Variants in SERPINB7 observed in about 807,000 individuals in gnomAD.
The protein encoded by SERPINB7 is serpin family B member 7, also known as serpin B7.
A neutral mutation model predicts 37.4 loss-of-function variants in SERPINB7; 31 were observed. The ratio of observed to expected loss-of-function variants is 0.83; its 90% CI spans 0.62 to 1.12. The LOEUF (loss-of-function observed/expected upper bound fraction) is 1.12, where lower values mean the gene tolerates loss of function less well. Among genes scored for constraint, SERPINB7 ranks in the 50% most tolerant of loss-of-function variants. SERPINB7 has a pLI of 0.00. For missense variants in SERPINB7, 521 were observed against 455.3 expected (o/e 1.14, Z -1.31); for synonymous variants, 163 against 166.1 (o/e 0.98, Z 0.14).
chr18:63,783,821 C>T (rs548053588), intron 2 of SERPINB7, among the ~76,000 whole-genome samples: 1 of 152,312 alleles, frequency 6.6e-6, no homozygotes, highest in Admixed American at 6.5e-5. Context: ...AAGGGCTTGC[C>T]AGAGGAATCT....
chr18:63,793,770 C>A (rs1000496652), intron 4 of SERPINB7, among the ~76,000 whole-genome samples: 12 of 152,158 alleles, frequency 7.9e-5, no homozygotes, highest in African/African-American at 2.2e-4. Context: ...CAAATTGCTG[C>A]AACTACAGGC....
intron 1 of SERPINB7, among the ~76,000 whole-genome samples, chr18:63,767,501 A>G (rs2049187105): frequency 6.6e-6 from 1 of 152,164 alleles, no homozygotes; most frequent in Admixed American, 6.6e-5. Flanking sequence ...TCTGTGGGAA[A>G]TAAAAGAAAG....
At position 63,800,857 on chromosome 18, in the gene SERPINB7, G is replaced by A; in HGVS notation, c.598-9G>A. On this transcript the variant is annotated splice_polypyrimidine_tract_variant and intron_variant, in intron 6 of 7. Coordinates refer to ENST00000398019, the MANE Select transcript of SERPINB7 (RefSeq NM_003784.4). The stretch of plus-strand genomic sequence containing the variant: ...GATCATAAATAATTTTTTGTGACTT[G>A]ACTTTCAGTGCTCTGGGAAGGCAGT... 1.2e-6 allele frequency: 2 copies of A among 1,610,918 alleles called. No homozygotes were observed. The highest frequency in any genetic ancestry group is 1.7e-6 in the Non-Finnish European group (2 of 1,179,056).
chr18:63,760,315 G>C (rs1301737780), intron 1 of SERPINB7, among the ~76,000 whole-genome samples: 1 of 152,202 alleles, frequency 6.6e-6, no homozygotes, highest in Non-Finnish European at 1.5e-5. Context: ...GATGATTTAG[G>C]ATATCTGGTG....
At chr18:63,785,570 T>C (rs1232433904) in intron 2 of SERPINB7, among the ~76,000 whole-genome samples, 1 of 152,116 alleles carries the variant, frequency 6.6e-6, no homozygotes, top group Non-Finnish European at 1.5e-5. Context: ...AGTAAATATA[T>C]ATGTTTACTT....
At chr18:63,759,879 G>A (rs2049143246) in intron 1 of SERPINB7, among the ~76,000 whole-genome samples, 1 of 152,186 alleles carries the variant, frequency 6.6e-6, no homozygotes, top group Non-Finnish European at 1.5e-5. Context: ...GGCCTCCACA[G>A]CCATGTGGAA....
chr18:63,804,911 C>T lies in SERPINB7; in HGVS notation c.*276C>T, dbSNP rs1414795028. On this transcript the variant is annotated 3_prime_UTR_variant, in exon 8 of 8. Transcript: ENST00000398019. ...ATTTCTATCATTCTCCCCCATGACC[C>T]GTCTGGAAATTATGGAGAGTGCTCA... The T allele has an allele frequency of 5.1e-6, 2 of 391,344 alleles. No homozygotes were observed. Among genetic ancestry groups the T allele is most frequent in the South Asian group, 5.5e-5 (1 of 18,090 alleles). 24.2% of individuals were successfully genotyped at this position (391,344 alleles called of 1,614,324 possible).
At chr18:63,779,256 G>GA (rs1351281611) in intron 1 of SERPINB7, among the ~76,000 whole-genome samples, 2 of 152,086 alleles carry the variant, frequency 1.3e-5, no homozygotes, top group Admixed American at 6.6e-5. Flanking sequence ...ATAGGGAAAG[G>GA]AAAAATCACA....
At chr18:63,797,417 G>T (rs1367217374) in intron 5 of SERPINB7, among the ~76,000 whole-genome samples, 6 of 152,066 alleles carry the variant, frequency 3.9e-5, no homozygotes, top group Non-Finnish European at 7.4e-5. Flanking sequence ...TATAAATCAA[G>T]ACAAACTATG....
chr18:63,789,203 G>T (rs1371164430), intron 2 of SERPINB7, among the ~76,000 whole-genome samples: 3 of 152,066 alleles, frequency 2.0e-5, no homozygotes, highest in Admixed American at 2.0e-4. Context: ...TTAGCGAGCT[G>T]GTCCCATCAA....
intron 1 of SERPINB7, among the ~76,000 whole-genome samples, chr18:63,756,092 TACACACAC>T (rs5825530): frequency 3.5e-4 from 52 of 148,800 alleles, no homozygotes; most frequent in African/African-American, 9.9e-4. Flanking sequence ...ATATAGGGTT[TACACACAC>T]ACACACACAC....
intron 5 of SERPINB7, among the ~76,000 whole-genome samples, chr18:63,797,429 A>G (rs1247396156): frequency 6.6e-6 from 1 of 152,152 alleles, no homozygotes; most frequent in Admixed American, 6.5e-5. Context: ...CAAACTATGT[A>G]ATTATTACTC....
intron 1 of SERPINB7, among the ~76,000 whole-genome samples, chr18:63,760,323 G>A (rs2144584643): frequency 6.6e-6 from 1 of 152,278 alleles, no homozygotes; most frequent in South Asian, 2.1e-4. Flanking sequence ...AGGATATCTG[G>A]TGGAAGAAAT....
intron 2 of SERPINB7, among the ~76,000 whole-genome samples, chr18:63,785,654 T>G (rs965739077): frequency 1.3e-5 from 2 of 151,854 alleles, no homozygotes; most frequent in African/African-American, 4.8e-5. Context: ...ACCATTTGAG[T>G]GAAAGAGCTG....
intron 1 of SERPINB7, among the ~76,000 whole-genome samples, chr18:63,757,175 C>T (rs1467332276): frequency 6.6e-6 from 1 of 151,872 alleles, no homozygotes; most frequent in Non-Finnish European, 1.5e-5. Flanking sequence ...CTGAGTTTCA[C>T]ATTCTTTGTC....
At chr18:63,788,511 A>T (rs1308273272) in intron 2 of SERPINB7, among the ~76,000 whole-genome samples, 4 of 152,250 alleles carry the variant, frequency 2.6e-5, no homozygotes, top group Admixed American at 6.5e-5. Context: ...AAAGTAAAAA[A>T]GTTAAAGTAA....
intron 7 of SERPINB7, among the ~76,000 whole-genome samples, chr18:63,803,232 A>T (rs983784346): frequency 6.6e-6 from 1 of 152,098 alleles, no homozygotes; most frequent in Non-Finnish European, 1.5e-5. Flanking sequence ...GTTGGATCTC[A>T]GTGCACTAAA....
At chr18:63,755,319 C>G (rs1043621339) in intron 1 of SERPINB7, among the ~76,000 whole-genome samples, 20 of 152,102 alleles carry the variant, frequency 1.3e-4, no homozygotes, top group African/African-American at 4.8e-4. Flanking sequence ...GGATTCTTTT[C>G]ATTTCGTGTC....
intron 1 of SERPINB7, among the ~76,000 whole-genome samples, chr18:63,767,939 A>T (rs1445469378): frequency 6.6e-6 from 1 of 152,040 alleles, no homozygotes; most frequent in African/African-American, 2.4e-5. Context: ...CTAAGTTGTT[A>T]AATTTATGTG....
Sources: allele counts gnomAD v4.1 joint callset (sites outside exome capture counted in the v4.1 genomes callset), GRCh38; gene constraint gnomAD v4.1.1; transcripts MANE v1.5; gene names NCBI Gene and HGNC (gene_info 2026-07-23, HGNC 2026-07-21).